The following PHLDB2 variants were observed in gnomAD, a reference collection of about 807,000 sequenced individuals.
The protein encoded by PHLDB2 is pleckstrin homology-like domain family B member 2.
A neutral mutation model predicts 123.6 loss-of-function variants in PHLDB2; 71 were observed. The observed-to-expected ratio is 0.57, with a 90% confidence interval of 0.47 to 0.70. The LOEUF (loss-of-function observed/expected upper bound fraction) is 0.70. Ranked by LOEUF, PHLDB2 falls within the 30% of genes least tolerant of loss-of-function variation. The pLI is 0.00. For synonymous variants in PHLDB2, 547 were observed against 541.6 expected (o/e 1.01, Z -0.14); for missense variants, 1,446 against 1,519.5 (o/e 0.95, Z 0.80).
At chr3:111,934,747 A>C (rs1421884530) in intron 6 of PHLDB2, among the ~76,000 whole-genome samples, 1 of 152,202 alleles carries the variant, frequency 6.6e-6, no homozygotes, top group African/African-American at 2.4e-5. Flanking sequence ...ATAGTGTAGA[A>C]AAGAAAACTG....
At chr3:111,742,447 C>G (rs1457708517) in intron 1 of PHLDB2, among the ~76,000 whole-genome samples, 2 of 152,140 alleles carry the variant, frequency 1.3e-5, no homozygotes, top group African/African-American at 4.8e-5. Context: ...TCTCCTAATG[C>G]TATCTCTCCC....
At chr3:111,957,909 A>G (rs1262895557) in intron 12 of PHLDB2, 1 of 152,228 alleles carries the variant, frequency 6.6e-6, no homozygotes, top group Non-Finnish European at 1.5e-5. Flanking sequence ...GTCTGTTTGG[A>G]AAAAGAATTG....
In PHLDB2 at chr3:111,884,335, C is replaced by T. The variant is rs1169790152; in HGVS notation, c.258C>T (p.Ala86=). Residue 86 remains alanine (A), a synonymous_variant, in exon 2 of 18, where the codon GCC becomes GCT. Coordinates refer to ENST00000431670, the MANE Select transcript of PHLDB2 (RefSeq NM_001134438.2). ...GTSVRSSPSL[A]KIQGSKQFSY... is the part of the protein sequence containing the mutation. ...GTGTCAGAAGCAGCCCCTCCTTAGC[C>T]AAAATCCAGGGAAGCAAGCAGTTCT... 1 of 1,614,146 alleles carries T rather than the reference C, an allele frequency of 6.2e-7. No homozygotes were observed. The highest frequency in any genetic ancestry group is 1.7e-5 in the Admixed American group (1 of 60,018).
chr3:111,784,109 G>A lies in PHLDB2; in HGVS notation c.-49+51406G>A, dbSNP rs542668860. ...ATAACCAAACTGGGAGGGAAAATACGTTGGTTAATAGGATCAGATCAAGAT... is the reference window on the plus strand; with the variant it reads ...ATAACCAAACTGGGAGGGAAAATACATTGGTTAATAGGATCAGATCAAGAT... On this transcript the variant is annotated intron_variant, in intron 1 of 17. Transcript: ENST00000393923. 1.2e-4 allele frequency among the ~76,000 whole-genome samples: 19 copies of A among 152,198 alleles called. No homozygotes were observed. In the South Asian group the frequency reaches 3.5e-3, roughly 28 times the overall value.
intron 1 of PHLDB2, among the ~76,000 whole-genome samples, chr3:111,751,168 G>GGGGTGTGTGT (rs752825947): frequency 1.3e-4 from 19 of 144,046 alleles, no homozygotes; most frequent in African/African-American, 4.9e-4. Context: ...GAGACAATGG[G>GGGGTGTGTGT]GTGTGTGTGT....
intron 1 of PHLDB2, among the ~76,000 whole-genome samples, chr3:111,828,082 C>A (rs1008149090): frequency 1.3e-5 from 2 of 152,210 alleles, no homozygotes; most frequent in African/African-American, 4.8e-5. Context: ...CTCTGTAAAC[C>A]AGACCACAAA....
At chr3:111,866,538 T>C (rs1436143800) in intron 1 of PHLDB2, among the ~76,000 whole-genome samples, 2 of 151,994 alleles carry the variant, frequency 1.3e-5, no homozygotes, top group Non-Finnish European at 2.9e-5. Flanking sequence ...TTTTGATCAG[T>C]AGTGTGGGAT....
At chr3:111,866,930 G>GGTGTGTGTGTGTGTGTGTGTGT (rs3082321) in intron 1 of PHLDB2, among the ~76,000 whole-genome samples, 18 of 126,066 alleles carry the variant, frequency 1.4e-4, no homozygotes, top group East Asian at 9.2e-4. Context: ...GTTTCTAAGG[G>GGTGTGTGTGTGTGTGTGTGTGT]GTGTGTGTGT....
intron 5 of PHLDB2, among the ~76,000 whole-genome samples, chr3:111,924,696 T>C (rs2068717119): frequency 6.6e-6 from 1 of 152,222 alleles, no homozygotes; most frequent in African/African-American, 2.4e-5. Flanking sequence ...TGAAAAGATA[T>C]CTCTGTTGGG....
intron 1 of PHLDB2, among the ~76,000 whole-genome samples, chr3:111,827,263 C>A (rs2062699231): frequency 6.6e-6 from 1 of 152,164 alleles, no homozygotes; most frequent in South Asian, 2.1e-4. Context: ...AAATCCAGGG[C>A]CCTTAGTATG....
intron 1 of PHLDB2, among the ~76,000 whole-genome samples, chr3:111,834,381 TTA>T (rs941040632): frequency 1.4e-5 from 2 of 144,914 alleles, no homozygotes; most frequent in African/African-American, 5.0e-5. Context: ...CATCTGATTT[TTA>T]TATATATGTG....
chr3:111,866,285 T>C (rs1033062243), intron 1 of PHLDB2, among the ~76,000 whole-genome samples: 6 of 152,058 alleles, frequency 3.9e-5, no homozygotes, highest in Non-Finnish European at 5.9e-5. Flanking sequence ...CACAGAGTGC[T>C]GGAATTACAG....
chr3:111,834,006 A>T (rs2063214645), intron 1 of PHLDB2, among the ~76,000 whole-genome samples: 2 of 111,860 alleles, frequency 1.8e-5, no homozygotes, highest in African/African-American at 3.9e-5. Flanking sequence ...ATTATATATA[A>T]TATATGTAAT....
At chr3:111,871,492 A>C (rs2065335264) in intron 1 of PHLDB2, among the ~76,000 whole-genome samples, 1 of 144,422 alleles carries the variant, frequency 6.9e-6, no homozygotes, top group Admixed American at 6.9e-5. Context: ...TACAAAAAGT[A>C]CAAAAAAAAA....
At chr3:111,752,252 G>GTC (rs55893264) in intron 1 of PHLDB2, among the ~76,000 whole-genome samples, 23,062 of 143,278 alleles carry the variant, frequency 0.16, 2,242 homozygotes, top group African/African-American at 0.28. Context: ...CTGTGTCTGT[G>GTC]TGTGTGTGTG....
At position 111,973,794 on chromosome 3, in the gene PHLDB2, G is replaced by C. The variant is rs1559930913; in HGVS notation, c.3598G>C (p.Asp1200His). ...TCAAGCCATTGAAGAAGTCTATTAT[G>C]ATCACCTCAAGAATGCTAATAAGGT... ...YFQAIEEVYY[D>H]HLKNANKSPN... Residue 1200 changes from aspartate to histidine, a missense_variant, in exon 17 of 18, where the codon GAT (aspartate) becomes CAT (histidine). This residue lies in a region of PHLDB2 where 594 missense variants were observed against 646.0 expected (regional missense o/e 0.92). Coordinates refer to ENST00000431670, the MANE Select transcript of PHLDB2 (RefSeq NM_001134438.2). The C allele has an allele frequency of 6.3e-7, 1 of 1,595,760 alleles. No individual in the cohort carries two copies. Among genetic ancestry groups the C allele is most frequent in the African/African-American group, 1.3e-5 (1 of 74,450 alleles).
At chr3:111,735,783 T>C (rs1244964659) in intron 1 of PHLDB2, among the ~76,000 whole-genome samples, 1 of 152,010 alleles carries the variant, frequency 6.6e-6, no homozygotes, top group African/African-American at 2.4e-5. Flanking sequence ...ACTGCTGCCT[T>C]CTTATCTACA....
rs1442931087 is a variant in PHLDB2, at chr3:111,967,900, C to T, written c.3315+76C>T. On this transcript the variant is annotated intron_variant, in intron 15 of 17. Transcript: ENST00000431670. ...TTCCTAGAAGACAGCTGTTCTGTGT[C>T]TGAGGATGCTTTCCTGGGCACTGAG... 15 of 1,307,440 alleles carry T rather than the reference C, an allele frequency of 1.1e-5. No individual in the cohort carries two copies. The African/African-American group carries it at 2.1e-4, about 18-fold the overall frequency. 81.0% of individuals were successfully genotyped at this position (1,307,440 alleles called of 1,614,324 possible).
At chr3:111,792,328 T>A (rs536315401) in intron 1 of PHLDB2, among the ~76,000 whole-genome samples, 12 of 152,334 alleles carry the variant, frequency 7.9e-5, no homozygotes, top group Admixed American at 3.3e-4. Flanking sequence ...CATGAGATAA[T>A]GAATATGAGA....
Sources: allele counts gnomAD v4.1 joint callset (sites outside exome capture counted in the v4.1 genomes callset), GRCh38; gene constraint gnomAD v4.1.1; regional missense constraint gnomAD v4.1.1; transcripts MANE v1.5; gene names NCBI Gene and HGNC (gene_info 2026-07-23, HGNC 2026-07-21).